The following CPNE4 variants were observed in gnomAD, a reference collection of about 807,000 sequenced individuals.
The protein encoded by CPNE4 is copine-4.
In CPNE4, 25 loss-of-function variants were observed where a neutral mutation model predicts 67.9. That is an observed-to-expected ratio of 0.37 (90% CI 0.27 to 0.51). The LOEUF (loss-of-function observed/expected upper bound fraction) is 0.51. Ranked by LOEUF, CPNE4 falls within the 20% of genes least tolerant of loss-of-function variation. The pLI is 0.93. For missense variants in CPNE4, 464 were observed against 690.8 expected (o/e 0.67, Z 3.68); for synonymous variants, 242 against 244.9 (o/e 0.99, Z 0.11).
intron 2 of CPNE4, among the ~76,000 whole-genome samples, chr3:131,856,463 A>G (rs73203860): frequency 0.076 from 11,609 of 152,018 alleles, 575 homozygotes; most frequent in East Asian, 0.17. Context: ...GTCACTGTGA[A>G]TGAGCCAGGA....
At chr3:131,633,957 G>T (rs2079308363) in intron 7 of CPNE4, among the ~76,000 whole-genome samples, 1 of 151,916 alleles carries the variant, frequency 6.6e-6, no homozygotes, top group Admixed American at 6.6e-5. Context: ...ACCTATGTTG[G>T]CCATTTCATT....
intron 2 of CPNE4, among the ~76,000 whole-genome samples, chr3:131,837,333 T>A (rs2108010006): frequency 6.6e-6 from 1 of 152,260 alleles, no homozygotes; most frequent in East Asian, 1.9e-4. Context: ...TTGTTGGATG[T>A]CTATATCATG....
intron 1 of CPNE4, among the ~76,000 whole-genome samples, chr3:131,962,464 A>G (rs1268794294): frequency 6.6e-6 from 1 of 152,202 alleles, no homozygotes; most frequent in African/African-American, 2.4e-5. Flanking sequence ...CTCCAGAACA[A>G]AACAAAGACC....
chr3:131,776,956 A>T (rs1475157295), intron 2 of CPNE4, among the ~76,000 whole-genome samples: 1 of 152,148 alleles, frequency 6.6e-6, no homozygotes, highest in Admixed American at 6.5e-5. Context: ...GTTATATATC[A>T]GTTACTGCTA....
chr3:131,914,114 C>A (rs926465560), intron 1 of CPNE4, among the ~76,000 whole-genome samples: 1 of 152,080 alleles, frequency 6.6e-6, no homozygotes, highest in African/African-American at 2.4e-5. Context: ...TTTTGTAGGA[C>A]CTATTAGGAC....
intron 10 of CPNE4, among the ~76,000 whole-genome samples, chr3:131,573,781 A>G (rs1293034141): frequency 1.3e-5 from 2 of 152,068 alleles, no homozygotes; most frequent in Non-Finnish European, 2.9e-5. Context: ...TCCTCAGCGA[A>G]CATGCTTGCT....
rs371627739 is a variant in CPNE4, at chr3:131,945,088, C to G, written c.-1-39644G>C. 2.6e-5 allele frequency among the ~76,000 whole-genome samples: 4 copies of G among 152,236 alleles called. 1 individual carries two copies. The highest frequency in any genetic ancestry group is 6.5e-5 in the Admixed American group (1 of 15,292). On this transcript the variant is annotated intron_variant, in intron 1 of 15. Transcript: ENST00000429747. Reference sequence around the variant, plus strand: ...TACCTGGCACTTACTAGCCATGTGGCCTTCAGGAAGGTAGTTTTCTGTCTC... The same window carrying G: ...TACCTGGCACTTACTAGCCATGTGGGCTTCAGGAAGGTAGTTTTCTGTCTC...
chr3:132,020,932 A>G (rs6805095), intron 1 of CPNE4, among the ~76,000 whole-genome samples: 104,625 of 152,084 alleles, frequency 0.69, 36,868 homozygotes, highest in Middle Eastern at 0.75. Context: ...AAACAAGCAC[A>G]AAGCACAACT....
intron 7 of CPNE4, among the ~76,000 whole-genome samples, chr3:131,589,649 G>T (rs975372508): frequency 6.6e-6 from 1 of 152,200 alleles, no homozygotes; most frequent in African/African-American, 2.4e-5. Context: ...TACAGTCTTT[G>T]AAAGTTTCTC....
intron 2 of CPNE4, among the ~76,000 whole-genome samples, chr3:131,838,998 A>G (rs889357997): frequency 2.6e-5 from 4 of 151,904 alleles, no homozygotes; most frequent in Non-Finnish European, 4.4e-5. Context: ...TTGATATAAC[A>G]CCTTATTCAA....
intron 2 of CPNE4, among the ~76,000 whole-genome samples, chr3:131,839,690 G>T (rs1202531266): frequency 6.6e-6 from 1 of 151,864 alleles, no homozygotes; most frequent in Non-Finnish European, 1.5e-5. Flanking sequence ...TCACACATGG[G>T]TTTGTCACAG....
intron 1 of CPNE4, among the ~76,000 whole-genome samples, chr3:131,923,257 ATG>A (rs1333008461): frequency 1.3e-5 from 2 of 152,174 alleles, no homozygotes; most frequent in Admixed American, 6.5e-5. Flanking sequence ...AGAGGCAAAA[ATG>A]TGTGTTTGTG....
chr3:131,748,109 T>G (rs1583132785), intron 2 of CPNE4, among the ~76,000 whole-genome samples: 1 of 152,004 alleles, frequency 6.6e-6, no homozygotes, highest in South Asian at 2.1e-4. Context: ...GATCATGTGA[T>G]TTTCTTTTGT....
chr3:131,679,323 T>C (rs1383612269), intron 6 of CPNE4, among the ~76,000 whole-genome samples: 1 of 152,130 alleles, frequency 6.6e-6, no homozygotes, highest in Non-Finnish European at 1.5e-5. Context: ...CTTCTCCCTT[T>C]TCTTCTTTAT....
intron 6 of CPNE4, among the ~76,000 whole-genome samples, chr3:131,685,512 G>A (rs1203506778): frequency 3.3e-5 from 5 of 152,036 alleles, no homozygotes; most frequent in African/African-American, 7.3e-5. Context: ...GGCTGGGCGC[G>A]GTGGCTCACG....
At chr3:131,742,160 A>AT (rs2082373160) in intron 2 of CPNE4, among the ~76,000 whole-genome samples, 1 of 152,148 alleles carries the variant, frequency 6.6e-6, no homozygotes. Flanking sequence ...GTAACATTTG[A>AT]ATCTGTAGAC....
intron 1 of CPNE4, among the ~76,000 whole-genome samples, chr3:131,918,479 A>G (rs1273597714): frequency 6.6e-6 from 1 of 152,244 alleles, no homozygotes; most frequent in African/African-American, 2.4e-5. Context: ...ACAAATATTT[A>G]GAAAAGATTA....
At chr3:131,725,830 C>T (rs2081987649) in intron 2 of CPNE4, among the ~76,000 whole-genome samples, 2 of 152,170 alleles carry the variant, frequency 1.3e-5, no homozygotes, top group Admixed American at 1.3e-4. Flanking sequence ...CACATTTCTT[C>T]ATGGCAACAA....
rs529242369 is a variant in CPNE4 at position 131,667,806 on chromosome 3, T to A, written c.681+1869A>T. Among the ~76,000 whole-genome samples the A allele has an allele frequency of 2.6e-5, 4 of 152,162 alleles. No individual in the cohort carries two copies. The East Asian group carries it at 7.7e-4, about 29-fold the overall frequency. On this transcript the variant is annotated intron_variant, in intron 7 of 15. Transcript: ENST00000429747. ...GCATTTTTATTTATTCAATTACAGA[T>A]GACCCTCTCCTTTTATCCTCCTCAT...
Sources: gnomAD v4.1 joint callset for allele counts (sites outside exome capture counted in the v4.1 genomes callset) on GRCh38, gnomAD v4.1.1 for gene constraint, MANE v1.5 for transcripts, NCBI Gene and HGNC (gene_info 2026-07-23, HGNC 2026-07-21) for gene names.